The following KCNAB2 variants were observed in gnomAD, a reference collection of about 807,000 sequenced individuals.
KCNAB2 encodes the protein potassium voltage-gated channel subfamily A regulatory beta subunit 2.
Under a neutral mutation model 63.6 loss-of-function variants are expected in KCNAB2, and 29 were observed. The observed-to-expected ratio is 0.46, with a 90% CI of 0.34 to 0.62. KCNAB2 has a LOEUF of 0.62. KCNAB2 is among the 20% of genes least tolerant of loss of function. The probability of loss-of-function intolerance (pLI) is 0.01; values close to 1 mark genes in which losing one functional copy is unlikely to be tolerated. For missense variants in KCNAB2, 359 were observed against 563.9 expected (o/e 0.64, Z 3.68); for synonymous variants, 222 against 224.2 (o/e 0.99, Z 0.09).
rs1210901340 is a variant in KCNAB2 at position 6,071,036 on chromosome 1, C to CA, written c.219-1717dup. On this transcript the variant is annotated intron_variant, in intron 2 of 15. Transcript: ENST00000378083. This position sits in a 1 kb window ranked among gnomAD's most constrained non-coding sequence, Gnocchi z 8.5. ...AGTACCTTCAGTTTGGTGACACGTTCAACTGTTTTCAAGCTGCTTACAAAT... is the reference window on the plus strand; with the variant it reads ...AGTACCTTCAGTTTGGTGACACGTTCAAACTGTTTTCAAGCTGCTTACAAAT... Among the ~76,000 whole-genome samples, 1 of 152,086 alleles carries CA rather than the reference C, an allele frequency of 6.6e-6. No individual in the cohort carries two copies. The highest frequency in any genetic ancestry group is 2.4e-5 in the African/African-American group (1 of 41,410).
At chr1:6,019,754 T>C (rs962283380) in intron 1 of KCNAB2, among the ~76,000 whole-genome samples, 1 of 152,176 alleles carries the variant, frequency 6.6e-6, no homozygotes. Flanking sequence ...ATTATATTCA[T>C]GGCTTAAGTC....
At chr1:6,013,477 G>A (rs945613) in intron 1 of KCNAB2, among the ~76,000 whole-genome samples, 29,611 of 152,102 alleles carry the variant, frequency 0.19, 3,334 homozygotes, top group Non-Finnish European at 0.26. Flanking sequence ...GGGCTGGGGA[G>A]GAGCCCTGTC....
chr1:6,020,636 G>A (rs1349951084), intron 1 of KCNAB2, among the ~76,000 whole-genome samples: 1 of 152,126 alleles, frequency 6.6e-6, no homozygotes, highest in African/African-American at 2.4e-5. Flanking sequence ...GCCAGCAACC[G>A]TATCTACCAC....
Position 6,078,047 on chromosome 1 carries a change from G to A in KCNAB2, c.301-4148G>A, listed in dbSNP as rs1023610446. Among the ~76,000 whole-genome samples the A allele has an allele frequency of 4.0e-5, 6 of 148,990 alleles. No individual in the cohort carries two copies. The highest frequency in any genetic ancestry group is 7.4e-5 in the Non-Finnish European group (5 of 67,478). On this transcript the variant is annotated intron_variant, in intron 4 of 15. Transcript: ENST00000378083. The surrounding 1 kb of genome is among the most constrained non-coding windows in gnomAD (Gnocchi z 4.2). ...CAGCCGGGCCGGGCTTCCTTCTCCC[G>A]GCCAGGACCTTTCCCGGCCTAAGTC...
upstream of KCNAB2, among the ~76,000 whole-genome samples, chr1:6,042,657 G>A (rs1163204264): frequency 3.3e-5 from 5 of 152,188 alleles, no homozygotes; most frequent in Non-Finnish European, 7.3e-5. Flanking sequence ...GAATTGGCAC[G>A]GCTTCTGGCA....
chr1:6,034,797 A>C (rs1214809882), intron 1 of KCNAB2: 1 of 152,294 alleles, frequency 6.6e-6, no homozygotes, highest in Non-Finnish European at 1.5e-5. Context: ...TCACAGAGGT[A>C]TCCATCCACT....
intron 1 of KCNAB2, among the ~76,000 whole-genome samples, chr1:6,007,288 GCC>G (rs1235092795): frequency 6.6e-6 from 1 of 152,224 alleles, no homozygotes; most frequent in Admixed American, 6.5e-5. Flanking sequence ...GGGCCAAGTG[GCC>G]AAGAGACCAC....
chr1:6,041,520 A>G (rs778059218), upstream of KCNAB2: 15 of 423,192 alleles, frequency 3.5e-5, no homozygotes, highest in Non-Finnish European at 6.1e-5. Context: ...CCTGAAGCAC[A>G]TTCAATCCAA....
chr1:6,014,025 C>T (rs572566479), intron 1 of KCNAB2, among the ~76,000 whole-genome samples: 1 of 152,348 alleles, frequency 6.6e-6, no homozygotes, highest in African/African-American at 2.4e-5. Flanking sequence ...GTTTTCTCAG[C>T]TGTCATTTGT....
At position 6,035,759 on chromosome 1, in the gene KCNAB2, T is replaced by C. The variant is rs139889142; in HGVS notation, c.-53+965T>C. ...ACAGCTCTGGGGTTCAGGGGAGTGG[T>C]AGAGGGGGTGGGGTCTGCAGCATGG... On this transcript the variant is annotated intron_variant, in intron 1 of 15. Transcript: ENST00000164247. This position sits in a 1 kb window ranked among gnomAD's most constrained non-coding sequence, Gnocchi z 5.0. Among the ~76,000 whole-genome samples, 262 of 148,714 alleles carry C rather than the reference T, an allele frequency of 1.8e-3. No individual in the cohort carries two copies. The highest frequency in any genetic ancestry group is 6.3e-3 in the African/African-American group (252 of 40,160).
Position 6,096,463 on chromosome 1 carries a change from C to G in KCNAB2, c.949-173C>G. ...CAGCCCGTGCCCGGCCCACTGCCCA[C>G]TCTCCCCTACTTGAGAGGCCTGGGG... On this transcript the variant is annotated intron_variant, in intron 13 of 15. Coordinates refer to ENST00000378083, the MANE Select transcript of KCNAB2 (RefSeq NM_001199862.2). This position sits in a 1 kb window ranked among gnomAD's most constrained non-coding sequence, Gnocchi z 5.9. The G allele has an allele frequency of 2.3e-6, 2 of 863,522 alleles. No homozygotes were observed. Among genetic ancestry groups the G allele is most frequent in the Non-Finnish European group, 3.5e-6 (2 of 569,572 alleles). The allele number at this position is 863,522 out of a possible 1,614,324, so 53.5% of individuals were successfully genotyped here. A position where few individuals can be genotyped will look rare whatever the true frequency, so the allele number is the denominator to read the frequency against.
rs1450885651 is a variant in KCNAB2 at position 6,087,943 on chromosome 1, C to A, written c.470+432C>A. ...ACTCCAAATTCCCTGGGCCGCCTGT[C>A]ACCCCTGCAGGTCTCCAAGTGTCTA... On this transcript the variant is annotated intron_variant, in intron 7 of 15. Coordinates refer to ENST00000378083, the MANE Select transcript of KCNAB2 (RefSeq NM_001199862.2). The surrounding 1 kb of genome is among the most constrained non-coding windows in gnomAD (Gnocchi z 6.4). Among the ~76,000 whole-genome samples, 1 of 152,240 alleles carries A rather than the reference C, an allele frequency of 6.6e-6. No individual in the cohort carries two copies. The highest frequency in any genetic ancestry group is 1.9e-4 in the East Asian group (1 of 5,202).
chr1:6,096,678 C>T lies in KCNAB2; in HGVS notation c.991C>T (p.Arg331Trp), dbSNP rs1242648822. Residue 331 changes from arginine to tryptophan, a missense_variant, in exon 14 of 16, where the codon CGG becomes TGG. By Grantham distance (101) the Arg-to-Trp change is moderately radical. This residue lies in a region of KCNAB2 where 271 missense variants were observed against 476.1 expected (regional missense o/e 0.57). Coordinates refer to ENST00000378083, the MANE Select transcript of KCNAB2 (RefSeq NM_001199862.2). This position sits in a 1 kb window ranked among gnomAD's most constrained non-coding sequence, Gnocchi z 5.9. ...GGACAAGATCCTCAGTGAGGAGGGC[C>T]GGCGCCAGCAAGCCAAGCTGAAGGA... ...LKDKILSEEG[R>W]RQQAKLKELQ... The T allele has an allele frequency of 4.4e-6, 7 of 1,608,452 alleles. No individual in the cohort carries two copies. The highest frequency in any genetic ancestry group is 3.4e-5 in the Admixed American group (2 of 59,346).
chr1:6,048,725 G>T (rs917959168), intron 1 of KCNAB2, among the ~76,000 whole-genome samples: 1 of 152,252 alleles, frequency 6.6e-6, no homozygotes. Context: ...TGCCCAGCTG[G>T]CCTTCTTTCT....
At chr1:6,093,015 ACCC>A (rs565314197) in intron 10 of KCNAB2, among the ~76,000 whole-genome samples, 2 of 152,212 alleles carry the variant, frequency 1.3e-5, no homozygotes, top group East Asian at 3.9e-4. Context: ...TCAGGGAGCG[ACCC>A]CCAAAACAGA....
chr1:6,051,376 C>T, intron 1 of KCNAB2, 135 bp from the exon 2 acceptor site: 2 of 1,092,312 alleles, frequency 1.8e-6, no homozygotes, highest in Non-Finnish European at 2.5e-6. Context: ...GGGTCCCACT[C>T]CTAGACACCA....
intron 2 of KCNAB2, among the ~76,000 whole-genome samples, chr1:6,065,080 C>T (rs944295281): frequency 2.0e-5 from 3 of 152,230 alleles, no homozygotes; most frequent in Non-Finnish European, 4.4e-5. Flanking sequence ...TGTTGCTTCT[C>T]CATGTGCCAA....
intron 4 of KCNAB2, among the ~76,000 whole-genome samples, chr1:6,081,380 A>G (rs1339433883): frequency 6.6e-6 from 1 of 152,206 alleles, no homozygotes; most frequent in African/African-American, 2.4e-5. Flanking sequence ...AGGTGCTGGG[A>G]AAGATTCAAT....
chr1:6,022,879 CTTTTT>C (rs34874871), intron 1 of KCNAB2, among the ~76,000 whole-genome samples: 1 of 86,988 alleles, frequency 1.1e-5, no homozygotes, highest in Admixed American at 1.4e-4. Context: ...TTTTGCTTAT[CTTTTT>C]TTTTTTTTTT....
Sources: allele counts gnomAD v4.1 joint callset (sites outside exome capture counted in the v4.1 genomes callset), GRCh38; gene constraint gnomAD v4.1.1; regional missense constraint gnomAD v4.1.1; non-coding constraint Gnocchi (gnomAD v3.1); transcripts MANE v1.5; gene names NCBI Gene and HGNC (gene_info 2026-07-23, HGNC 2026-07-21).